The following WNT9B variants were observed in gnomAD, a reference collection of about 807,000 sequenced individuals.
WNT9B encodes the protein Wnt family member 9B.
Under a neutral mutation model 30.2 loss-of-function variants are expected in WNT9B, and 12 were observed. That is an observed-to-expected ratio of 0.40 (90% CI 0.26 to 0.64). The LOEUF (loss-of-function observed/expected upper bound fraction) is 0.64. Among genes scored for constraint, WNT9B ranks in the 30% least tolerant of loss-of-function variants. The pLI, the probability that WNT9B is intolerant of heterozygous loss-of-function variation, is 0.42. For missense variants in WNT9B, 442 were observed against 485.2 expected (o/e 0.91, Z 0.84); for synonymous variants, 218 against 216.9 (o/e 1.01, Z -0.05).
At chr17:46,875,770 GT>G (rs781748482) in intron 3 of WNT9B, among the ~76,000 whole-genome samples, 5 of 152,218 alleles carry the variant, frequency 3.3e-5, no homozygotes, top group Non-Finnish European at 7.3e-5. Context: ...CATTTTATGG[GT>G]GGGAAGATGG....
chr17:46,864,746 C>G (rs1375986057), intron 1 of WNT9B, among the ~76,000 whole-genome samples: 1 of 152,170 alleles, frequency 6.6e-6, no homozygotes, highest in African/African-American at 2.4e-5. Context: ...ATCAAGAGAC[C>G]TGGGCCACAG....
chr17:46,850,601 T>C (rs1265736222), upstream of WNT9B, among the ~76,000 whole-genome samples: 4 of 152,222 alleles, frequency 2.6e-5, no homozygotes, highest in Non-Finnish European at 1.5e-5. Flanking sequence ...TTTTGCTTGA[T>C]TTGACCCCGT....
intron 1 of WNT9B, among the ~76,000 whole-genome samples, chr17:46,843,035 A>T (rs534615305): frequency 2.2e-4 from 33 of 152,252 alleles, no homozygotes; most frequent in African/African-American, 7.0e-4. Context: ...GTTGCTAGTG[A>T]CTCCTATTGG....
intron 1 of WNT9B, among the ~76,000 whole-genome samples, chr17:46,869,355 G>T (rs150855577): frequency 2.1e-3 from 316 of 152,332 alleles, no homozygotes; most frequent in African/African-American, 7.3e-3. Flanking sequence ...GCCATGCAGA[G>T]CTGGGCACCG....
At chr17:46,860,676 T>A (rs75039211) in intron 1 of WNT9B, among the ~76,000 whole-genome samples, 3,721 of 152,336 alleles carry the variant, frequency 0.024, 153 homozygotes, top group African/African-American at 0.085. Context: ...GTCCCACGTT[T>A]AGAAGAGTCT....
chr17:46,836,406 G>T (rs2084633275), intron 1 of WNT9B, among the ~76,000 whole-genome samples: 2 of 152,132 alleles, frequency 1.3e-5, no homozygotes, highest in African/African-American at 4.8e-5. Flanking sequence ...AGTGGAGATG[G>T]TTCTTCATGC....
chr17:46,845,998 C>A (rs2084772302), intron 1 of WNT9B, among the ~76,000 whole-genome samples: 1 of 151,968 alleles, frequency 6.6e-6, no homozygotes, highest in East Asian at 1.9e-4. Flanking sequence ...GCCATGTTGG[C>A]CAGGGTGGTC....
upstream of WNT9B, among the ~76,000 whole-genome samples, chr17:46,849,629 C>T (rs2084816007): frequency 6.6e-6 from 1 of 152,216 alleles, no homozygotes. Flanking sequence ...TAGCTGTGCA[C>T]ATCTCTTCCT....
At position 46,877,834 on chromosome 17, in the gene WNT9B, T is replaced by A. The variant is rs956980888; in HGVS notation, c.*1116T>A. 5.9e-5 allele frequency among the ~76,000 whole-genome samples: 9 copies of A among 152,184 alleles called. No homozygotes were observed. The highest frequency in any genetic ancestry group is 1.2e-4 in the Non-Finnish European group (8 of 68,018). ...TTAAGGCTTTTGCCCTGGCTGGGGT[T>A]ATAGGTGCTTGAGTCCTTGCTAAGC... On this transcript the variant is annotated 3_prime_UTR_variant, in exon 4 of 4. Coordinates refer to ENST00000290015, the MANE Select transcript of WNT9B (RefSeq NM_003396.3).
intron 1 of WNT9B, among the ~76,000 whole-genome samples, chr17:46,863,649 A>G (rs1029075993): frequency 2.6e-5 from 4 of 152,198 alleles, no homozygotes; most frequent in Admixed American, 6.5e-5. Flanking sequence ...AAAAAAGGAC[A>G]TGGCTATAAA....
chr17:46,873,501 A>T (rs974304017), intron 2 of WNT9B, among the ~76,000 whole-genome samples: 2 of 152,196 alleles, frequency 1.3e-5, no homozygotes, highest in African/African-American at 4.8e-5. Context: ...TGGCTTGAGG[A>T]CACAGCTCCG....
At chr17:46,847,555 G>A (rs2084790409), upstream of WNT9B, among the ~76,000 whole-genome samples, 2 of 152,224 alleles carry the variant, frequency 1.3e-5, no homozygotes, top group African/African-American at 2.4e-5. Context: ...CCTGGAGGAT[G>A]GGGAAGGACA....
chr17:46,848,020 A>AG (rs1230243464), upstream of WNT9B, among the ~76,000 whole-genome samples: 1 of 148,984 alleles, frequency 6.7e-6, no homozygotes, highest in Non-Finnish European at 1.5e-5. Context: ...GCACAAGAGG[A>AG]GGAGAGGGCT....
intron 1 of WNT9B, among the ~76,000 whole-genome samples, chr17:46,853,363 CTT>C (rs35252647): frequency 1.2e-3 from 98 of 78,896 alleles, no homozygotes; most frequent in African/African-American, 4.6e-3. Flanking sequence ...ATGCTAGTGA[CTT>C]TTTTTTTTTT....
At chr17:46,845,225 G>A (rs1331867770) in intron 1 of WNT9B, among the ~76,000 whole-genome samples, 5 of 152,062 alleles carry the variant, frequency 3.3e-5, no homozygotes, top group East Asian at 3.9e-4. Flanking sequence ...ACACCCCAAC[G>A]TAGAGTCTTT....
At chr17:46,860,377 C>A (rs2085016181) in intron 1 of WNT9B, among the ~76,000 whole-genome samples, 4 of 152,118 alleles carry the variant, frequency 2.6e-5, no homozygotes, top group Admixed American at 2.0e-4. Flanking sequence ...AGGGTGACTC[C>A]CATCCTGGCA....
chr17:46,842,207 T>G (rs1445142759), intron 1 of WNT9B, among the ~76,000 whole-genome samples: 1 of 152,180 alleles, frequency 6.6e-6, no homozygotes, highest in Non-Finnish European at 1.5e-5. Context: ...GTGCCTCAGT[T>G]TCTTCAGGCG....
chr17:46,840,090 T>G (rs1437855222), intron 1 of WNT9B, among the ~76,000 whole-genome samples: 1 of 151,302 alleles, frequency 6.6e-6, no homozygotes, highest in Non-Finnish European at 1.5e-5. Context: ...ATTCCTTCTT[T>G]CTTTCTTTCT....
downstream of WNT9B, chr17:46,885,502 C>T (rs2085478937): frequency 6.5e-6 from 1 of 153,928 alleles, no homozygotes; most frequent in Admixed American, 6.5e-5. Flanking sequence ...GGACTTTTAT[C>T]ATGTTGGCCA....
Sources: gnomAD v4.1 joint callset for allele counts (sites outside exome capture counted in the v4.1 genomes callset) on GRCh38, gnomAD v4.1.1 for gene constraint, MANE v1.5 for transcripts, NCBI Gene and HGNC (gene_info 2026-07-23, HGNC 2026-07-21) for gene names.